Variants in LARS2 observed in about 807,000 individuals in gnomAD.
The protein encoded by LARS2 is leucine--tRNA ligase, mitochondrial.
LARS2 carries 81 observed loss-of-function variants against 116.6 expected under a neutral mutation model. That is an observed-to-expected ratio of 0.69 (90% confidence interval 0.58 to 0.84). The LOEUF (loss-of-function observed/expected upper bound fraction) is 0.84. Ranked by LOEUF, LARS2 falls within the 40% of genes least tolerant of loss-of-function variation. LARS2 has a pLI of 0.00. For synonymous variants in LARS2, 396 were observed against 407.2 expected (o/e 0.97, Z 0.33); for missense variants, 968 against 1,114.5 (o/e 0.87, Z 1.87).
At chr3:45,492,776 G>T (rs1160583564) in intron 13 of LARS2, among the ~76,000 whole-genome samples, 1 of 152,174 alleles carries the variant, frequency 6.6e-6, no homozygotes, top group Non-Finnish European at 1.5e-5. Context: ...TCAATAAATA[G>T]AAACTTTATG....
chr3:45,500,790 C>G (rs1474194617), intron 15 of LARS2, among the ~76,000 whole-genome samples: 3 of 152,232 alleles, frequency 2.0e-5, no homozygotes, highest in Non-Finnish European at 4.4e-5. Context: ...TAGAACCTAG[C>G]CTTCAGTGCT....
At chr3:45,415,797 G>A (rs994035689) in intron 4 of LARS2, among the ~76,000 whole-genome samples, 4 of 147,962 alleles carry the variant, frequency 2.7e-5, no homozygotes, top group South Asian at 2.1e-4. Flanking sequence ...ACAGTGAGCC[G>A]AGATTGCACC....
At chr3:45,467,311 C>G (rs944284198) in intron 8 of LARS2, among the ~76,000 whole-genome samples, 2 of 152,306 alleles carry the variant, frequency 1.3e-5, no homozygotes, top group East Asian at 3.9e-4. Context: ...AATAACCATT[C>G]TCTTATGCAG....
chr3:45,482,740 C>T (rs1041278213), intron 10 of LARS2, among the ~76,000 whole-genome samples: 2 of 152,194 alleles, frequency 1.3e-5, no homozygotes, highest in Non-Finnish European at 2.9e-5. Flanking sequence ...TCTTAGGATA[C>T]AAGTTCAGTG....
At chr3:45,490,982 C>T (rs1438835245) in intron 12 of LARS2, among the ~76,000 whole-genome samples, 1 of 152,250 alleles carries the variant, frequency 6.6e-6, no homozygotes, top group Non-Finnish European at 1.5e-5. Flanking sequence ...GCCTGAATTC[C>T]TTCTGCTTTA....
intron 6 of LARS2, among the ~76,000 whole-genome samples, chr3:45,433,997 C>T (rs1334969003): frequency 1.3e-5 from 2 of 152,122 alleles, no homozygotes; most frequent in Non-Finnish European, 2.9e-5. Context: ...TTATTTCTCT[C>T]TGGCTGCTTT....
chr3:45,415,422 A>G (rs1253209508), intron 4 of LARS2, among the ~76,000 whole-genome samples: 1 of 152,244 alleles, frequency 6.6e-6, no homozygotes, highest in Non-Finnish European at 1.5e-5. Context: ...TAATCTTCAC[A>G]GTGATCCAAT....
At chr3:45,462,117 G>A (rs1317427249) in intron 8 of LARS2, among the ~76,000 whole-genome samples, 3 of 152,136 alleles carry the variant, frequency 2.0e-5, no homozygotes, top group Admixed American at 2.0e-4. Context: ...GGAAACCTGA[G>A]AAATGGTGGC....
rs553818538 is a variant in LARS2, at chr3:45,544,140, G to A, written c.2532+2184G>A. On this transcript the variant is annotated intron_variant, in intron 21 of 21. Coordinates refer to ENST00000645846, the MANE Select transcript of LARS2 (RefSeq NM_015340.4). ...TCCTGGCCAGAAACAGGCTGCAAGC[G>A]CAGTTCGATGTCATTCAGTTCAATT... 1.2e-4 allele frequency among the ~76,000 whole-genome samples: 18 copies of A among 152,296 alleles called. No homozygotes were observed. The Middle Eastern group carries it at 0.014, about 115-fold the overall frequency.
At chr3:45,395,131 C>T (rs374183907) in intron 3 of LARS2, among the ~76,000 whole-genome samples, 1 of 152,146 alleles carries the variant, frequency 6.6e-6, no homozygotes, top group African/African-American at 2.4e-5. Context: ...ATCTGAGACT[C>T]CAGGAGAGGC....
At chr3:45,420,006 C>T (rs537901051) in intron 6 of LARS2, among the ~76,000 whole-genome samples, 81 of 152,148 alleles carry the variant, frequency 5.3e-4, no homozygotes, top group Non-Finnish European at 9.7e-4. Flanking sequence ...TTCTCTAGTT[C>T]TCAGCAATAG....
chr3:45,442,904 G>A lies in LARS2; in HGVS notation c.517-3987G>A, dbSNP rs183687293. ...GAAGAAATCTGAACTCACAGATCGG[G>A]GTTTCTCCACCTTGGCGCTATTGAT... On this transcript the variant is annotated intron_variant, in intron 6 of 21. Transcript: ENST00000645846. Among the ~76,000 whole-genome samples the A allele has an allele frequency of 2.9e-3, 445 of 152,244 alleles. 3 individuals carry two copies. The highest frequency in any genetic ancestry group is 0.01 in the African/African-American group (431 of 41,540).
At chr3:45,455,415 G>A (rs1040759533) in intron 7 of LARS2, among the ~76,000 whole-genome samples, 2 of 152,018 alleles carry the variant, frequency 1.3e-5, no homozygotes, top group Admixed American at 6.6e-5. Context: ...TTTTAGTTGT[G>A]CATGGGTTGT....
chr3:45,417,772 A>G lies in LARS2; in HGVS notation c.455+199A>G, dbSNP rs145469447. Among the ~76,000 whole-genome samples, 4 of 152,204 alleles carry G rather than the reference A, an allele frequency of 2.6e-5. No individual in the cohort carries two copies. In the East Asian group the frequency reaches 7.7e-4, roughly 29 times the overall value. On this transcript the variant is annotated intron_variant, in intron 5 of 21. Coordinates refer to ENST00000645846, the MANE Select transcript of LARS2 (RefSeq NM_015340.4). Reference sequence around the variant, plus strand: ...GAAATATTCAGAGAGGGTTTTGGATATTTGTTCATGTGTTCATTTTGATGC... The same window carrying G: ...GAAATATTCAGAGAGGGTTTTGGATGTTTGTTCATGTGTTCATTTTGATGC...
At chr3:45,490,719 G>A (rs764952973) in intron 12 of LARS2, among the ~76,000 whole-genome samples, 3 of 152,324 alleles carry the variant, frequency 2.0e-5, no homozygotes, top group Middle Eastern at 3.4e-3. Context: ...TGGCTAGCAC[G>A]AGCCCAGCAC....
At chr3:45,458,198 G>C (rs1413486243) in intron 7 of LARS2, among the ~76,000 whole-genome samples, 2 of 151,656 alleles carry the variant, frequency 1.3e-5, no homozygotes, top group Non-Finnish European at 2.9e-5. Flanking sequence ...TTTCATATAA[G>C]ATACCAAAGT....
intron 15 of LARS2, among the ~76,000 whole-genome samples, chr3:45,503,959 G>A (rs12629394): frequency 0.27 from 41,420 of 151,762 alleles, 6,192 homozygotes; most frequent in Middle Eastern, 0.4. Context: ...CTATCCCCAC[G>A]TGTGTTTTTA....
chr3:45,443,973 G>A (rs186704523), intron 6 of LARS2, among the ~76,000 whole-genome samples: 2 of 150,526 alleles, frequency 1.3e-5, no homozygotes, highest in East Asian at 2.0e-4. Context: ...GTTGGATGAA[G>A]ATCATTGTTT....
At chr3:45,492,034 C>T (rs148187991) in intron 13 of LARS2, among the ~76,000 whole-genome samples, 2 of 152,354 alleles carry the variant, frequency 1.3e-5, no homozygotes, top group East Asian at 3.9e-4. Context: ...GCAGCAGTGT[C>T]AGTTCAGATC....
Sources: allele counts gnomAD v4.1 joint callset (sites outside exome capture counted in the v4.1 genomes callset), GRCh38; gene constraint gnomAD v4.1.1; transcripts MANE v1.5; gene names NCBI Gene and HGNC (gene_info 2026-07-23, HGNC 2026-07-21).